ARHGEF28: variants seen among roughly 807,000 people sequenced by gnomAD.
ARHGEF28 encodes the protein Rho guanine nucleotide exchange factor 28.
In ARHGEF28, 152 loss-of-function variants were observed where a neutral mutation model predicts 206.6. The ratio of observed to expected loss-of-function variants is 0.74; its 90% CI spans 0.64 to 0.84. ARHGEF28 has a LOEUF of 0.84. Among genes scored for constraint, ARHGEF28 ranks in the 40% least tolerant of loss-of-function variants. The probability of loss-of-function intolerance (pLI) is 0.00; values close to 1 mark genes in which losing one functional copy is unlikely to be tolerated. For missense variants in ARHGEF28, 2,028 were observed against 2,073.2 expected, an observed-to-expected ratio of 0.98 and a Z score of 0.42; for synonymous variants, 763 against 776.4, an observed-to-expected ratio of 0.98 and a Z score of 0.29.
At chr5:73,684,426 A>G (rs767047934) in intron 1 of ARHGEF28, among the ~76,000 whole-genome samples, 8 of 152,218 alleles carry the variant, frequency 5.3e-5, no homozygotes, top group Non-Finnish European at 1.2e-4. Context: ...TCAAGGCTGA[A>G]TAATATTCCA....
chr5:73,681,005 G>T (rs971211823), intron 1 of ARHGEF28, among the ~76,000 whole-genome samples: 6 of 151,786 alleles, frequency 4.0e-5, no homozygotes, highest in Admixed American at 3.9e-4. Flanking sequence ...GCCTGGCCAA[G>T]GAATGCATTT....
intron 16 of ARHGEF28, among the ~76,000 whole-genome samples, chr5:73,863,570 G>A (rs1759528802): frequency 6.6e-6 from 1 of 151,670 alleles, no homozygotes; most frequent in Non-Finnish European, 1.5e-5. Context: ...CCTCCTGCAG[G>A]CCAAGTCTCA....
At chr5:73,794,897 G>A (rs140901299) in intron 8 of ARHGEF28, among the ~76,000 whole-genome samples, 18 of 152,230 alleles carry the variant, frequency 1.2e-4, no homozygotes, top group African/African-American at 4.1e-4. Context: ...ATGAGCCACC[G>A]TGCCCAGCCC....
intron 2 of ARHGEF28, among the ~76,000 whole-genome samples, chr5:73,709,991 T>A (rs1749150302): frequency 6.6e-6 from 1 of 152,212 alleles, no homozygotes; most frequent in South Asian, 2.1e-4. Context: ...AAGGCCTGGT[T>A]TTTCATGCTT....
chr5:73,666,753 C>G (rs189453694), intron 1 of ARHGEF28, among the ~76,000 whole-genome samples: 47 of 152,264 alleles, frequency 3.1e-4, no homozygotes, highest in Middle Eastern at 3.4e-3. Flanking sequence ...AAAACAGATA[C>G]TTTGAGAGAG....
At chr5:73,639,710 A>T (rs1199367439) in intron 1 of ARHGEF28, among the ~76,000 whole-genome samples, 2 of 152,142 alleles carry the variant, frequency 1.3e-5, no homozygotes, top group Admixed American at 1.3e-4. Flanking sequence ...TTATATCACT[A>T]GACATTTAAA....
chr5:73,663,156 G>A (rs528832758), intron 1 of ARHGEF28, among the ~76,000 whole-genome samples: 7 of 152,158 alleles, frequency 4.6e-5, no homozygotes, highest in South Asian at 2.1e-4. Context: ...AGGTTTTGCC[G>A]TGTTGGCCAG....
intron 2 of ARHGEF28, among the ~76,000 whole-genome samples, chr5:73,687,959 T>C (rs1394404139): frequency 6.6e-6 from 1 of 152,168 alleles, no homozygotes; most frequent in Non-Finnish European, 1.5e-5. Context: ...CTCTTAATTT[T>C]GGTGACTTTA....
chr5:73,867,324 G>T (rs1448920542), intron 18 of ARHGEF28, among the ~76,000 whole-genome samples: 5 of 152,116 alleles, frequency 3.3e-5, no homozygotes, highest in African/African-American at 4.8e-5. Flanking sequence ...TTTTAGAACT[G>T]ACCAGAAAAA....
chr5:73,838,427 A>C (rs1422669902), intron 10 of ARHGEF28, among the ~76,000 whole-genome samples: 1 of 152,214 alleles, frequency 6.6e-6, no homozygotes, highest in Non-Finnish European at 1.5e-5. Context: ...AGCTTATATT[A>C]ATGTTTCCCA....
intron 7 of ARHGEF28, among the ~76,000 whole-genome samples, chr5:73,781,524 A>G (rs4413512): frequency 0.42 from 64,511 of 151,866 alleles, 13,844 homozygotes; most frequent in Non-Finnish European, 0.46. Flanking sequence ...ATTTGAGGTT[A>G]CTTCTGCTTT....
At position 73,857,662 on chromosome 5, in the gene ARHGEF28, GGAA is replaced by G; in HGVS notation, c.1804_1806del (p.Glu602del). 2 of 1,573,342 alleles carry G rather than the reference GGAA, an allele frequency of 1.3e-6. No individual in the cohort carries two copies. The highest frequency in any genetic ancestry group is 1.7e-6 in the Non-Finnish European group (2 of 1,158,298). On this transcript the variant is annotated inframe_deletion, in exon 15 of 36. Transcript: ENST00000513042. ...ACAGATTCTGTTTTTGTAGAATTCA[GGAA>G]GAAGAATGGGATAAATACATCATAC...
At chr5:73,747,526 C>T (rs993174408) in intron 2 of ARHGEF28, among the ~76,000 whole-genome samples, 6 of 152,074 alleles carry the variant, frequency 3.9e-5, no homozygotes, top group Non-Finnish European at 7.4e-5. Context: ...TGAAAATGTC[C>T]GTGTTATTTC....
chr5:73,856,274 T>C (rs1247576770), intron 14 of ARHGEF28, among the ~76,000 whole-genome samples: 1 of 152,146 alleles, frequency 6.6e-6, no homozygotes, highest in Non-Finnish European at 1.5e-5. Flanking sequence ...ATTAAAAGGG[T>C]CTGAGATTCT....
At chr5:73,795,283 A>G (rs770924481) in intron 8 of ARHGEF28, 48 bp from the exon 9 acceptor site, 4 of 1,531,888 alleles carry the variant, frequency 2.6e-6, no homozygotes, top group Non-Finnish European at 3.6e-6. Flanking sequence ...ACATTAGTGT[A>G]GCATATATGT....
intron 16 of ARHGEF28, among the ~76,000 whole-genome samples, chr5:73,864,211 G>A (rs1759567192): frequency 6.6e-6 from 1 of 152,176 alleles, no homozygotes; most frequent in Non-Finnish European, 1.5e-5. Flanking sequence ...AAGGGGCAGG[G>A]AAAGTATTCC....
chr5:73,768,486 G>C (rs775156293), intron 4 of ARHGEF28, among the ~76,000 whole-genome samples: 14 of 152,166 alleles, frequency 9.2e-5, no homozygotes, highest in Non-Finnish European at 1.9e-4. Flanking sequence ...CATTTTTGGA[G>C]CTTTAAGATT....
In ARHGEF28 at chr5:73,876,230, T is replaced by C. The variant is rs1237134588; in HGVS notation, c.2814+2984T>C. On this transcript the variant is annotated intron_variant, in intron 22 of 35. Coordinates refer to ENST00000513042, the MANE Select transcript of ARHGEF28 (RefSeq NM_001177693.2). The stretch of plus-strand genomic sequence containing the variant: ...GATTTGGCTCTCTGTTTGTCTGTTA[T>C]TGGTGTATAAGAATGCTTGTGATTT... Among the ~76,000 whole-genome samples, 255 of 131,086 alleles carry C rather than the reference T, an allele frequency of 1.9e-3. 2 individuals are homozygous for C. The highest frequency in any genetic ancestry group is 5.5e-3 in the African/African-American group (180 of 32,976). The allele number at this position is 131,086 out of a possible 152,430, so 86.0% of individuals were successfully genotyped here. A position where few individuals can be genotyped will look rare whatever the true frequency, so the allele number is the denominator to read the frequency against.
intron 2 of ARHGEF28, among the ~76,000 whole-genome samples, chr5:73,695,661 AC>A (rs1166247141): frequency 6.6e-6 from 1 of 151,734 alleles, no homozygotes; most frequent in African/African-American, 2.4e-5. Context: ...AATTCCTCCA[AC>A]CTTTGTCCTC....
Sources: gnomAD v4.1 joint callset for allele counts (sites outside exome capture counted in the v4.1 genomes callset) on GRCh38, gnomAD v4.1.1 for gene constraint, MANE v1.5 for transcripts, NCBI Gene and HGNC (gene_info 2026-07-23, HGNC 2026-07-21) for gene names.